The following GNG12 variants were observed in gnomAD, a reference collection of about 807,000 sequenced individuals.
The protein encoded by GNG12 is guanine nucleotide-binding protein G(I)/G(S)/G(O) subunit gamma-12.
For missense variants in GNG12, 69 were observed against 83.8 expected (o/e 0.82, Z 0.69); for synonymous variants, 28 against 29.7 (o/e 0.94, Z 0.19).
intron 1 of GNG12, among the ~76,000 whole-genome samples, chr1:67,784,322 G>T (rs1385246874): frequency 2.5e-5 from 3 of 120,772 alleles, no homozygotes; most frequent in African/African-American, 9.2e-5. Flanking sequence ...GTTGTGGGGT[G>T]GGGGGAGGGG....
At chr1:67,804,039 G>C (rs1646881403) in intron 1 of GNG12, among the ~76,000 whole-genome samples, 1 of 152,180 alleles carries the variant, frequency 6.6e-6, no homozygotes, top group Admixed American at 6.5e-5. Flanking sequence ...AGAGAAAGAA[G>C]AGGGATAGGC....
At chr1:67,789,897 T>A (rs1646791844) in intron 1 of GNG12, among the ~76,000 whole-genome samples, 3 of 152,210 alleles carry the variant, frequency 2.0e-5, no homozygotes, top group Admixed American at 1.3e-4. Context: ...GTGGGTGTGC[T>A]ATAAAGTATC....
intron 1 of GNG12, among the ~76,000 whole-genome samples, chr1:67,827,874 CACTT>C (rs948630592): frequency 6.6e-6 from 1 of 152,212 alleles, no homozygotes; most frequent in African/African-American, 2.4e-5. Flanking sequence ...ATAAACCAAA[CACTT>C]AAGTGACATC....
Position 67,774,966 on chromosome 1 carries a change from T to C in GNG12, c.-27+2492A>G, listed in dbSNP as rs551521292. On this transcript the variant is annotated intron_variant, in intron 2 of 3. Transcript: ENST00000370982. ...AGTAATTCTATGTAAGGTAGCACAG[T>C]ACGTGGCACACAGTGCTCAATACAC... Among the ~76,000 whole-genome samples the C allele has an allele frequency of 2.8e-4, 42 of 152,352 alleles. 1 individual carries two copies. In the East Asian group the frequency reaches 6.2e-3, roughly 22 times the overall value.
intron 2 of GNG12, among the ~76,000 whole-genome samples, chr1:67,750,206 G>A (rs555673199): frequency 5.9e-5 from 9 of 152,294 alleles, no homozygotes; most frequent in Non-Finnish European, 5.9e-5. Context: ...GACATTCACC[G>A]CAGCTACTGC....
At chr1:67,809,249 A>T (rs923617678) in intron 1 of GNG12, among the ~76,000 whole-genome samples, 6 of 152,174 alleles carry the variant, frequency 3.9e-5, no homozygotes, top group African/African-American at 1.4e-4. Context: ...AAAAAGAAAG[A>T]ATCTAGACAC....
intron 2 of GNG12, among the ~76,000 whole-genome samples, chr1:67,711,481 A>G (rs1170404059): frequency 2.6e-5 from 4 of 152,020 alleles, no homozygotes. Flanking sequence ...ATGGGAGGTA[A>G]GGGGAAGAGA....
intron 1 of GNG12, among the ~76,000 whole-genome samples, chr1:67,809,236 C>T (rs991459589): frequency 1.8e-4 from 27 of 151,600 alleles, no homozygotes; most frequent in African/African-American, 5.8e-4. Context: ...CCTGCCCCCA[C>T]CAAAAAAGAA....
chr1:67,813,801 C>A (rs1646939126), intron 1 of GNG12, among the ~76,000 whole-genome samples: 1 of 152,126 alleles, frequency 6.6e-6, no homozygotes, highest in South Asian at 2.1e-4. Context: ...CCCATTATCT[C>A]TATCACCTCC....
chr1:67,794,738 A>C (rs532873421), intron 1 of GNG12, among the ~76,000 whole-genome samples: 22 of 152,288 alleles, frequency 1.4e-4, no homozygotes, highest in African/African-American at 5.3e-4. Context: ...GAATTGAGAA[A>C]ATTTTTGTTT....
chr1:67,781,076 G>C (rs545915427), intron 1 of GNG12, among the ~76,000 whole-genome samples: 5 of 152,320 alleles, frequency 3.3e-5, no homozygotes, highest in Admixed American at 1.3e-4. Context: ...AAGGCAAAAA[G>C]TTTTAAGATC....
chr1:67,739,693 G>T (rs1646472006), intron 2 of GNG12, among the ~76,000 whole-genome samples: 1 of 152,152 alleles, frequency 6.6e-6, no homozygotes, highest in African/African-American at 2.4e-5. Flanking sequence ...TGAACTTCAG[G>T]GTTGAGGGAA....
At chr1:67,764,309 T>C (rs2100743937) in intron 2 of GNG12, among the ~76,000 whole-genome samples, 1 of 151,902 alleles carries the variant, frequency 6.6e-6, no homozygotes, top group South Asian at 2.1e-4. Context: ...GAGAAAGAGG[T>C]GGGGCATCTC....
intron 2 of GNG12, among the ~76,000 whole-genome samples, chr1:67,750,820 A>C (rs1437158372): frequency 6.6e-6 from 1 of 152,220 alleles, no homozygotes; most frequent in East Asian, 1.9e-4. Context: ...GTATATGTGC[A>C]GGATAAACTC....
intron 2 of GNG12, among the ~76,000 whole-genome samples, chr1:67,749,999 G>A (rs1275877420): frequency 1.3e-5 from 2 of 152,104 alleles, no homozygotes; most frequent in Non-Finnish European, 2.9e-5. Context: ...TCTCAGAAAG[G>A]CTATGATTCA....
chr1:67,733,033 C>T (rs959237305), intron 2 of GNG12, among the ~76,000 whole-genome samples: 2 of 152,174 alleles, frequency 1.3e-5, no homozygotes, highest in African/African-American at 4.8e-5. Context: ...AACTTAGCAC[C>T]ACTTGCAACT....
At chr1:67,776,674 T>C (rs1389893055) in intron 2 of GNG12, among the ~76,000 whole-genome samples, 1 of 152,138 alleles carries the variant, frequency 6.6e-6, no homozygotes, top group Non-Finnish European at 1.5e-5. Flanking sequence ...TGCAGCTACC[T>C]GTAGATACAT....
At chr1:67,790,834 T>A (rs541071551) in intron 1 of GNG12, among the ~76,000 whole-genome samples, 2 of 152,270 alleles carry the variant, frequency 1.3e-5, no homozygotes, top group African/African-American at 4.8e-5. Context: ...CAGGCTGATC[T>A]CCAACTCCTG....
intron 2 of GNG12, among the ~76,000 whole-genome samples, chr1:67,728,253 C>A (rs1287527579): frequency 6.6e-6 from 1 of 152,146 alleles, no homozygotes; most frequent in Non-Finnish European, 1.5e-5. Flanking sequence ...GGCAAAAGTG[C>A]ACTCTGGAAA....
Sources: gnomAD v4.1 joint callset for allele counts (sites outside exome capture counted in the v4.1 genomes callset) on GRCh38, gnomAD v4.1.1 for gene constraint, MANE v1.5 for transcripts, NCBI Gene and HGNC (gene_info 2026-07-23, HGNC 2026-07-21) for gene names.